Variants in GRIN2B observed in about 807,000 individuals in gnomAD.
The protein encoded by GRIN2B is glutamate ionotropic receptor NMDA type subunit 2B, also known as glutamate receptor ionotropic, NMDA 2B.
GRIN2B carries 5 observed loss-of-function variants against 114.5 expected under a neutral mutation model. That is an observed-to-expected ratio of 0.04 (90% CI 0.02 to 0.09). The LOEUF (loss-of-function observed/expected upper bound fraction) is 0.09, where lower values mean the gene tolerates loss of function less well. Among genes scored for constraint, GRIN2B ranks in the 10% least tolerant of loss-of-function variants. The pLI is 1.00. For missense variants in GRIN2B, 1,108 were observed against 1,943.5 expected (o/e 0.57, Z 8.08); for synonymous variants, 787 against 745.1 (o/e 1.06, Z -0.92).
chr12:13,937,084 TA>T (rs35666762), intron 2 of GRIN2B, among the ~76,000 whole-genome samples: 47 of 18,568 alleles, frequency 2.5e-3, no homozygotes, highest in African/African-American at 8.7e-3. Flanking sequence ...AGCACAGAAA[TA>T]AAAAAAAAAA....
intron 4 of GRIN2B, among the ~76,000 whole-genome samples, chr12:13,752,294 C>T (rs934055718): frequency 1.4e-4 from 22 of 152,026 alleles, no homozygotes; most frequent in Admixed American, 4.6e-4. Context: ...AAGGGATGTC[C>T]AACACATTGT....
chr12:13,969,575 A>G (rs991794039), intron 2 of GRIN2B, among the ~76,000 whole-genome samples: 3 of 152,238 alleles, frequency 2.0e-5, no homozygotes, highest in African/African-American at 7.2e-5. Context: ...AGGCAAGGCA[A>G]TTCCTCATAG....
chr12:13,948,424 G>C (rs1867406965), intron 2 of GRIN2B, among the ~76,000 whole-genome samples: 1 of 152,154 alleles, frequency 6.6e-6, no homozygotes, highest in Non-Finnish European at 1.5e-5. Context: ...TAGCAAGGAA[G>C]TCCTATTTTT....
chr12:13,639,873 C>G (rs1014447291), intron 5 of GRIN2B, among the ~76,000 whole-genome samples: 1 of 151,842 alleles, frequency 6.6e-6, no homozygotes, highest in African/African-American at 2.4e-5. Context: ...TATTAAATTT[C>G]CCATGTTCTT....
chr12:13,659,441 C>T (rs1020908890), intron 5 of GRIN2B, among the ~76,000 whole-genome samples: 7 of 152,312 alleles, frequency 4.6e-5, no homozygotes, highest in Non-Finnish European at 8.8e-5. Context: ...CACCCCATCA[C>T]AGCTGCTGGA....
chr12:13,770,558 A>G (rs995409750), intron 3 of GRIN2B, among the ~76,000 whole-genome samples: 3 of 152,232 alleles, frequency 2.0e-5, no homozygotes, highest in Admixed American at 6.5e-5. Context: ...TTGTTAGCAC[A>G]GATTTAAAAG....
chr12:13,803,737 AC>A (rs1565543283), intron 3 of GRIN2B, among the ~76,000 whole-genome samples: 1 of 152,132 alleles, frequency 6.6e-6, no homozygotes, highest in Non-Finnish European at 1.5e-5. Flanking sequence ...AATACCCTAA[AC>A]CCTATGGTGA....
intron 4 of GRIN2B, among the ~76,000 whole-genome samples, chr12:13,727,558 T>C (rs549212695): frequency 6.6e-6 from 1 of 152,328 alleles, no homozygotes; most frequent in South Asian, 2.1e-4. Context: ...ATCTAGTTGT[T>C]ACAGCTGAGG....
At chr12:13,898,029 A>AAATAAAT (rs1565579321) in intron 2 of GRIN2B, among the ~76,000 whole-genome samples, 2 of 133,518 alleles carry the variant, frequency 1.5e-5, no homozygotes, top group Admixed American at 1.6e-4. Context: ...AATAAATAAA[A>AAATAAAT]AAGAAAGGGC....
intron 2 of GRIN2B, among the ~76,000 whole-genome samples, chr12:13,951,041 A>G (rs1156636689): frequency 6.6e-6 from 1 of 152,204 alleles, no homozygotes; most frequent in Non-Finnish European, 1.5e-5. Context: ...TTCCAAGAAG[A>G]GCAAGGCCAA....
Position 13,557,255 on chromosome 12 carries a change from G to C in GRIN2B, c.*5528C>G, listed in dbSNP as rs1055773013. 4.6e-5 allele frequency: 7 copies of C among 152,060 alleles called. No individual in the cohort carries two copies. The highest frequency in any genetic ancestry group is 1.7e-4 in the African/African-American group (7 of 41,412). 9.4% of individuals were successfully genotyped at this position (152,060 alleles called of 1,614,324 possible). A position where few individuals can be genotyped will look rare whatever the true frequency, so the allele number is the denominator to read the frequency against. ...TAGACATTCTCAGACTGACTAATCT[G>C]CCATTTTAGTGTCATCCCAAACATC... On this transcript the variant is annotated 3_prime_UTR_variant, in exon 14 of 14. Coordinates refer to ENST00000609686, the MANE Select transcript of GRIN2B (RefSeq NM_000834.5).
intron 10 of GRIN2B, among the ~76,000 whole-genome samples, chr12:13,573,531 C>G (rs1408129689): frequency 1.6e-5 from 2 of 128,330 alleles, no homozygotes; most frequent in African/African-American, 6.1e-5. Context: ...TAATTTGTGT[C>G]TCTATTCTGC....
At chr12:13,758,452 A>G (rs1344231856) in intron 3 of GRIN2B, among the ~76,000 whole-genome samples, 1 of 152,256 alleles carries the variant, frequency 6.6e-6, no homozygotes, top group African/African-American at 2.4e-5. Flanking sequence ...ATCTTGGCTC[A>G]TTAAATTCAG....
chr12:13,825,090 T>C (rs1205173695), intron 3 of GRIN2B, among the ~76,000 whole-genome samples: 1 of 152,112 alleles, frequency 6.6e-6, no homozygotes, highest in East Asian at 1.9e-4. Flanking sequence ...AGCGCTGCAT[T>C]AGCCATATTG....
intron 9 of GRIN2B, among the ~76,000 whole-genome samples, chr12:13,609,451 G>T (rs933716513): frequency 1.3e-5 from 2 of 152,082 alleles, no homozygotes; most frequent in Non-Finnish European, 2.9e-5. Flanking sequence ...CTTCCCAACT[G>T]GTTTCCTGTC....
In GRIN2B at chr12:13,538,738, C is replaced by T. The variant is rs761347529; in HGVS notation, c.*24045G>A. On this transcript the variant is annotated 3_prime_UTR_variant, in exon 14 of 14. Coordinates refer to ENST00000609686, the MANE Select transcript of GRIN2B (RefSeq NM_000834.5). ...GCGGAGGTGGTAGAATCACTTGAGC[C>T]TGGGAGGTCAAGGCTGCAGTGAGCC... 7.2e-5 allele frequency: 11 copies of T among 151,992 alleles called. No individual in the cohort carries two copies. Among genetic ancestry groups the T allele is most frequent in the Non-Finnish European group, 1.5e-4 (10 of 68,036 alleles). The allele number at this position is 151,992 out of a possible 1,614,324, so 9.4% of individuals were successfully genotyped here.
intron 2 of GRIN2B, among the ~76,000 whole-genome samples, chr12:13,877,865 C>T (rs553345121): frequency 6.6e-6 from 1 of 152,068 alleles, no homozygotes; most frequent in Admixed American, 6.5e-5. Context: ...GAGATTGAGA[C>T]CATCCAGGCT....
At chr12:13,622,993 A>G (rs1302946042) in intron 5 of GRIN2B, among the ~76,000 whole-genome samples, 1 of 152,188 alleles carries the variant, frequency 6.6e-6, no homozygotes, top group Non-Finnish European at 1.5e-5. Flanking sequence ...TGAACATTCT[A>G]ACACTGTATG....
intron 3 of GRIN2B, among the ~76,000 whole-genome samples, chr12:13,814,807 A>C (rs1389588143): frequency 6.6e-6 from 1 of 152,242 alleles, no homozygotes; most frequent in Non-Finnish European, 1.5e-5. Flanking sequence ...ATTTAAATTG[A>C]AATCTAAATA....
Sources: gnomAD v4.1 joint callset for allele counts (sites outside exome capture counted in the v4.1 genomes callset) on GRCh38, gnomAD v4.1.1 for gene constraint, MANE v1.5 for transcripts, NCBI Gene and HGNC (gene_info 2026-07-23, HGNC 2026-07-21) for gene names.